Variants in IQGAP1 observed in about 807,000 individuals in gnomAD.
IQGAP1 encodes IQ motif containing GTPase activating protein 1.
A neutral mutation model predicts 215.6 loss-of-function variants in IQGAP1; 66 were observed. That is an observed-to-expected ratio of 0.31 (90% CI 0.25 to 0.38). The LOEUF (loss-of-function observed/expected upper bound fraction) is 0.38. Among genes scored for constraint, IQGAP1 ranks in the 10% least tolerant of loss-of-function variants. The pLI, the probability that IQGAP1 is intolerant of heterozygous loss-of-function variation, is 1.00. For missense variants in IQGAP1, 1,712 were observed against 1,997.1 expected (o/e 0.86, Z 2.72); for synonymous variants, 772 against 728.7 (o/e 1.06, Z -0.96).
chr15:90,388,990 G>T (rs963092863), intron 1 of IQGAP1, among the ~76,000 whole-genome samples: 7 of 152,134 alleles, frequency 4.6e-5, no homozygotes, highest in African/African-American at 1.4e-4. Flanking sequence ...CTCATTTTCT[G>T]TTGTCGGCCC....
chr15:90,492,736 A>G (rs774278367), intron 35 of IQGAP1, 25 bp downstream of exon 35: 6 of 1,589,126 alleles, frequency 3.8e-6, no homozygotes, highest in African/African-American at 2.7e-5. Flanking sequence ...TTTTTAAAGA[A>G]TCAATGTCAG....
intron 33 of IQGAP1, 150 bp downstream of exon 33, chr15:90,487,732 G>A (rs931367413): frequency 3.4e-5 from 21 of 619,772 alleles, no homozygotes; most frequent in African/African-American, 9.3e-5. Context: ...GTTATGGCTC[G>A]TCTGAGAAAG....
chr15:90,495,362 T>C (rs1243333618), intron 36 of IQGAP1, among the ~76,000 whole-genome samples: 1 of 151,416 alleles, frequency 6.6e-6, no homozygotes, highest in Non-Finnish European at 1.5e-5. Context: ...ATCTTTCTCT[T>C]CTTTTGTCTG....
chr15:90,392,379 G>A (rs1964647609), intron 2 of IQGAP1, among the ~76,000 whole-genome samples: 1 of 152,184 alleles, frequency 6.6e-6, no homozygotes, highest in Non-Finnish European at 1.5e-5. Context: ...TAAGATCTCT[G>A]CCATTTAAAT....
chr15:90,457,207 G>A (rs748083337), intron 15 of IQGAP1, among the ~76,000 whole-genome samples: 4 of 151,474 alleles, frequency 2.6e-5, no homozygotes, highest in South Asian at 2.1e-4. Flanking sequence ...GTTCATTTCC[G>A]TCCACTTTTG....
At chr15:90,415,482 A>G (rs1051410572) in intron 2 of IQGAP1, among the ~76,000 whole-genome samples, 35 of 152,224 alleles carry the variant, frequency 2.3e-4, no homozygotes, top group African/African-American at 8.2e-4. Context: ...TAGTGTTTGT[A>G]AACTTCTTTC....
rs921157404 is a variant in IQGAP1, at chr15:90,414,728, TGTG to T, written c.156-11378_156-11376del. Among the ~76,000 whole-genome samples, 11 of 152,312 alleles carry T rather than the reference TGTG, an allele frequency of 7.2e-5. No homozygotes were observed. The East Asian group carries it at 1.2e-3, about 16-fold the overall frequency. On this transcript the variant is annotated intron_variant, in intron 2 of 37. Coordinates refer to ENST00000268182, the MANE Select transcript of IQGAP1 (RefSeq NM_003870.4). ...CTTTCTCTGTGGGCTTATCTACTCTTGTGGTGCCATTTTCCAGATTTAGGTCTT... is the reference window on the plus strand; with the variant it reads ...CTTTCTCTGTGGGCTTATCTACTCTTGTGCCATTTTCCAGATTTAGGTCTT...
At position 90,483,592 on chromosome 15, in the gene IQGAP1, A is replaced by C; in HGVS notation, c.3787A>C (p.Arg1263=). ...EYLSQSYQKF[R]RFFQTACDVP... is the part of the protein sequence containing the mutation. ...TCTTTCCCAGTCCTACCAGAAATTC[A>C]GGTAAGGGGAAAGGCACAAGTGCTT... is the stretch of plus-strand genomic sequence containing the variant. Residue 1263 remains arginine (R), a splice_region_variant and synonymous_variant, in exon 29 of 38, where the codon AGA becomes CGA. Coordinates refer to ENST00000268182, the MANE Select transcript of IQGAP1 (RefSeq NM_003870.4). 1 of 1,596,976 alleles carries C rather than the reference A, an allele frequency of 6.3e-7. No individual in the cohort carries two copies. Among genetic ancestry groups the C allele is most frequent in the Non-Finnish European group, 8.6e-7 (1 of 1,167,864 alleles).
At chr15:90,488,215 C>T (rs1012339203) in intron 33 of IQGAP1, among the ~76,000 whole-genome samples, 2 of 130,722 alleles carry the variant, frequency 1.5e-5, no homozygotes, top group East Asian at 2.1e-4. Flanking sequence ...AGCGAGACTC[C>T]GTCTCAAAAA....
chr15:90,425,456 G>A (rs1965208225), intron 2 of IQGAP1, among the ~76,000 whole-genome samples: 1 of 152,072 alleles, frequency 6.6e-6, no homozygotes, highest in Admixed American at 6.5e-5. Flanking sequence ...GATATTTGAA[G>A]GGGAAAATAC....
intron 37 of IQGAP1, 107 bp from the exon 38 acceptor site, chr15:90,499,888 C>A: frequency 2.8e-6 from 2 of 708,512 alleles, no homozygotes; most frequent in Non-Finnish European, 4.9e-6. Flanking sequence ...ACAAGGCAGG[C>A]CTCAGTCCAT....
intron 3 of IQGAP1, 75 bp from the exon 4 acceptor site, chr15:90,429,513 CT>C: frequency 2.6e-6 from 3 of 1,142,646 alleles, no homozygotes; most frequent in Non-Finnish European, 3.7e-6. Flanking sequence ...CTTGAGGAAA[CT>C]TTTGCGAAGA....
At chr15:90,424,980 C>A (rs184726640) in intron 2 of IQGAP1, among the ~76,000 whole-genome samples, 5 of 152,082 alleles carry the variant, frequency 3.3e-5, no homozygotes, top group Admixed American at 3.3e-4. Flanking sequence ...AGCTTTCCTT[C>A]GATATTCACA....
At chr15:90,430,207 AT>A (rs1052834063) in intron 4 of IQGAP1, among the ~76,000 whole-genome samples, 1 of 151,996 alleles carries the variant, frequency 6.6e-6, no homozygotes, top group Non-Finnish European at 1.5e-5. Context: ...TCAGGAGTTT[AT>A]TTAGTGTTGC....
At chr15:90,444,770 A>G (rs1487978934) in intron 9 of IQGAP1, among the ~76,000 whole-genome samples, 3 of 152,218 alleles carry the variant, frequency 2.0e-5, no homozygotes, top group South Asian at 4.1e-4. Flanking sequence ...TCTTTATGCA[A>G]TATTTCATGC....
chr15:90,478,614 C>T (rs960131208), intron 26 of IQGAP1, among the ~76,000 whole-genome samples: 12 of 152,186 alleles, frequency 7.9e-5, no homozygotes, highest in Admixed American at 5.2e-4. Context: ...AAGCCTATCC[C>T]GGAAGATAAA....
At chr15:90,438,457 T>C (rs1965400671) in intron 5 of IQGAP1, among the ~76,000 whole-genome samples, 1 of 152,188 alleles carries the variant, frequency 6.6e-6, no homozygotes, top group African/African-American at 2.4e-5. Context: ...TAGAGTCTAG[T>C]TGATTTTTTT....
intron 2 of IQGAP1, among the ~76,000 whole-genome samples, chr15:90,402,990 G>A (rs1455558823): frequency 6.6e-6 from 1 of 151,988 alleles, no homozygotes; most frequent in African/African-American, 2.4e-5. Flanking sequence ...GTTTTTTTGG[G>A]CTGGGCCCTG....
chr15:90,425,408 C>T (rs1010352924), intron 2 of IQGAP1, among the ~76,000 whole-genome samples: 1 of 152,050 alleles, frequency 6.6e-6, no homozygotes, highest in Non-Finnish European at 1.5e-5. Flanking sequence ...CTAAACTTTC[C>T]TTTGTTTTAT....
Sources: gnomAD v4.1 joint callset for allele counts (sites outside exome capture counted in the v4.1 genomes callset) on GRCh38, gnomAD v4.1.1 for gene constraint, MANE v1.5 for transcripts, NCBI Gene and HGNC (gene_info 2026-07-23, HGNC 2026-07-21) for gene names.